LPP: variants seen among roughly 807,000 people sequenced by gnomAD.
LPP encodes lipoma-preferred partner.
Under a neutral mutation model 60.4 loss-of-function variants are expected in LPP, and 38 were observed. The observed-to-expected ratio is 0.63, with a 90% CI of 0.49 to 0.83. The LOEUF (loss-of-function observed/expected upper bound fraction) is 0.83. Among genes scored for constraint, LPP ranks in the 40% least tolerant of loss-of-function variants. LPP has a pLI of 0.00. For missense variants in LPP, 902 were observed against 783.6 expected (o/e 1.15, Z -1.80); for synonymous variants, 328 against 290.8 (o/e 1.13, Z -1.30).
intron 1 of LPP, among the ~76,000 whole-genome samples, chr3:188,181,951 G>C (rs941896134): frequency 6.6e-6 from 1 of 152,178 alleles, no homozygotes; most frequent in African/African-American, 2.4e-5. Context: ...CGTCCTCATA[G>C]TTTTCTGTTT....
At chr3:188,478,369 CAG>C (rs1229377123) in intron 4 of LPP, among the ~76,000 whole-genome samples, 1 of 152,058 alleles carries the variant, frequency 6.6e-6, no homozygotes, top group Non-Finnish European at 1.5e-5. Flanking sequence ...TTTCAAATAA[CAG>C]AGCATTTCAA....
chr3:188,698,741 G>GCTATA (rs1863800703), intron 7 of LPP, among the ~76,000 whole-genome samples: 1 of 152,208 alleles, frequency 6.6e-6, no homozygotes, highest in Non-Finnish European at 1.5e-5. Flanking sequence ...CCAAGCATGA[G>GCTATA]CTTTACTTTA....
chr3:188,205,609 A>G, intron 1 of LPP, among the ~76,000 whole-genome samples: 1 of 152,146 alleles, frequency 6.6e-6, no homozygotes, highest in Admixed American at 6.5e-5. Context: ...TAAGTTTTCT[A>G]ATTTGAGACT....
intron 1 of LPP, among the ~76,000 whole-genome samples, chr3:188,206,264 G>A (rs1159993605): frequency 1.3e-5 from 2 of 152,056 alleles, no homozygotes; most frequent in Non-Finnish European, 2.9e-5. Flanking sequence ...GAGGTTCGAG[G>A]TCCTGCAACC....
At chr3:188,556,316 C>T (rs115043154) in intron 6 of LPP, among the ~76,000 whole-genome samples, 2,111 of 151,968 alleles carry the variant, frequency 0.014, 25 homozygotes, top group South Asian at 0.049. Flanking sequence ...TTTAATTAAC[C>T]CTTCTGTGTG....
At chr3:188,804,045 A>G (rs917830241) in intron 9 of LPP, among the ~76,000 whole-genome samples, 3 of 151,088 alleles carry the variant, frequency 2.0e-5, no homozygotes, top group African/African-American at 4.9e-5. Context: ...GAAGTATTCC[A>G]TGTTTTGGGG....
chr3:188,827,316 A>C (rs181262930), intron 9 of LPP, among the ~76,000 whole-genome samples: 52 of 152,346 alleles, frequency 3.4e-4, no homozygotes, highest in Admixed American at 3.1e-3. Context: ...AGTGAGACAC[A>C]CATATTAGAC....
chr3:188,594,795 A>G (rs1025550784), intron 6 of LPP, among the ~76,000 whole-genome samples: 1 of 152,202 alleles, frequency 6.6e-6, no homozygotes, highest in African/African-American at 2.4e-5. Context: ...ATACATGCTC[A>G]TTTTATAAAA....
At chr3:188,690,684 G>A (rs762005790) in intron 7 of LPP, among the ~76,000 whole-genome samples, 26 of 152,134 alleles carry the variant, frequency 1.7e-4, no homozygotes, top group African/African-American at 5.1e-4. Flanking sequence ...AATAGTCAAA[G>A]TGTTCTCTCT....
intron 2 of LPP, among the ~76,000 whole-genome samples, chr3:188,308,819 C>T (rs1017537924): frequency 6.6e-6 from 1 of 152,096 alleles, no homozygotes; most frequent in African/African-American, 2.4e-5. Context: ...ATCATTTGTT[C>T]TTTCTGAGCC....
intron 2 of LPP, among the ~76,000 whole-genome samples, chr3:188,250,096 TG>T (rs1052590623): frequency 1.3e-5 from 2 of 152,182 alleles, no homozygotes; most frequent in African/African-American, 4.8e-5. Flanking sequence ...CTTTGTCAGG[TG>T]GCTCAGTTCT....
rs1206082559 is a variant in LPP at position 188,785,547 on chromosome 3, T to TATATATATATATACACACACAC, written c.1410+25266_1410+25267insTATATATATATACACACACACA. On this transcript the variant is annotated intron_variant, in intron 9 of 11. Coordinates refer to ENST00000617246, the MANE Select transcript of LPP (RefSeq NM_001375462.1). The stretch of plus-strand genomic sequence containing the variant: ...ATATATATTCCATCATATATATATA[T>TATATATATATATACACACACAC]ACACACACACACACACACACACACA... Among the ~76,000 whole-genome samples the TATATATATATATACACACACAC allele has an allele frequency of 4.2e-3, 183 of 43,834 alleles. 37 individuals are homozygous for TATATATATATATACACACACAC. In the East Asian group the frequency reaches 0.12, roughly 29 times the overall value. 28.8% of individuals were successfully genotyped at this position (43,834 alleles called of 152,430 possible).
At chr3:188,274,345 A>G (rs767065427) in intron 2 of LPP, among the ~76,000 whole-genome samples, 28 of 152,240 alleles carry the variant, frequency 1.8e-4, no homozygotes, top group Admixed American at 2.0e-4. Context: ...AAAGGGGACC[A>G]TAAAAGTCCT....
intron 3 of LPP, among the ~76,000 whole-genome samples, chr3:188,401,906 C>T (rs574153312): frequency 1.7e-4 from 26 of 152,194 alleles, no homozygotes; most frequent in African/African-American, 5.3e-4. Flanking sequence ...GAAAGTAATG[C>T]TTATGATCTA....
At chr3:188,747,092 G>T (rs570553934) in intron 8 of LPP, among the ~76,000 whole-genome samples, 19 of 152,294 alleles carry the variant, frequency 1.2e-4, no homozygotes, top group African/African-American at 4.6e-4. Context: ...GAGAGAAAAT[G>T]TGGCCAGCTC....
intron 3 of LPP, among the ~76,000 whole-genome samples, chr3:188,370,788 G>A (rs1772812807): frequency 6.6e-6 from 1 of 152,090 alleles, no homozygotes; most frequent in Non-Finnish European, 1.5e-5. Context: ...CTTTCTATAG[G>A]GGAAACCTGT....
chr3:188,480,539 C>G (rs1453980205), intron 4 of LPP, among the ~76,000 whole-genome samples: 1 of 152,132 alleles, frequency 6.6e-6, no homozygotes, highest in Non-Finnish European at 1.5e-5. Flanking sequence ...ATGGAGGGAC[C>G]AGGTCTGAAG....
At chr3:188,155,506 C>G (rs1716005049) in intron 1 of LPP, among the ~76,000 whole-genome samples, 1 of 152,178 alleles carries the variant, frequency 6.6e-6, no homozygotes, top group South Asian at 2.1e-4. Flanking sequence ...GGCACCTTTA[C>G]AAAGCATCTA....
chr3:188,765,953 C>G (rs1257282823), intron 9 of LPP, among the ~76,000 whole-genome samples: 1 of 140,340 alleles, frequency 7.1e-6, no homozygotes, highest in Non-Finnish European at 1.5e-5. Flanking sequence ...TCACTGCAAT[C>G]TCCACCTCCC....
Sources: gnomAD v4.1 joint callset for allele counts (sites outside exome capture counted in the v4.1 genomes callset) on GRCh38, gnomAD v4.1.1 for gene constraint, MANE v1.5 for transcripts, NCBI Gene and HGNC (gene_info 2026-07-23, HGNC 2026-07-21) for gene names.